Variants in USP54 observed in about 807,000 individuals in gnomAD.
USP54 encodes the protein ubiquitin carboxyl-terminal hydrolase 54.
USP54 carries 87 observed loss-of-function variants against 170.5 expected under a neutral mutation model. The ratio of observed to expected loss-of-function variants is 0.51; its 90% confidence interval spans 0.43 to 0.61. USP54 has a LOEUF of 0.61. Ranked by LOEUF, USP54 falls within the 20% of genes least tolerant of loss-of-function variation. The pLI is 0.00. For missense variants in USP54, 1,786 were observed against 2,047.8 expected, an observed-to-expected ratio of 0.87 and a Z score of 2.47; for synonymous variants, 655 against 742.8, an observed-to-expected ratio of 0.88 and a Z score of 1.92.
In USP54 at chr10:73,498,886, C is replaced by A; in HGVS notation, c.4798G>T (p.Val1600Phe). ...CTAGATGGTGGGTACACAGGATGAA[C>A]AATGGGAGGGTGGGAGGGTGAATGG... ...LFHSPSHPPIVHPVYPPSSSL... is the reference protein window; with the variant it reads ...LFHSPSHPPIFHPVYPPSSSL... Residue 1600 changes from valine (V) to phenylalanine (F), a missense_variant, in exon 24 of 24, where the codon GTT becomes TTT. Coordinates refer to ENST00000687698, the MANE Select transcript of USP54 (RefSeq NM_001391956.1). 9.6e-6 allele frequency: 6 copies of A among 625,536 alleles called. No individual in the cohort carries two copies. Among genetic ancestry groups the A allele is most frequent in the Non-Finnish European group, 1.7e-5 (6 of 346,240 alleles). The allele number at this position is 625,536 out of a possible 1,614,324, so 38.7% of individuals were successfully genotyped here.
chr10:73,528,752 G>C (rs995687814), intron 15 of USP54, among the ~76,000 whole-genome samples: 2 of 152,064 alleles, frequency 1.3e-5, no homozygotes, highest in Admixed American at 6.6e-5. Context: ...GTGCTAGCCT[G>C]GGATTACAGG....
In USP54 at chr10:73,536,352, C is replaced by A. The variant is rs1346852985; in HGVS notation, c.1061G>T (p.Gly354Val). The change falls in exon 11 of 24, where the codon GGT becomes GTT. Residue 354 changes from glycine to valine, a missense_variant. Physicochemically the swap from Gly to Val is moderately radical, Grantham distance 109. Coordinates refer to ENST00000687698, the MANE Select transcript of USP54 (RefSeq NM_001391956.1). ...CAGGTCCTGGGTGGAAACTGGGGTA[C>A]CCTGGGGATCTGCATAAAGCAGCAG... is the stretch of plus-strand genomic sequence containing the variant. ...PLLLLYADPQ[G>V]TPVSTQDLPP... is the part of the protein sequence containing the mutation. The A allele has an allele frequency of 6.2e-6, 10 of 1,613,554 alleles. No individual in the cohort carries two copies.
rs548214934 is a variant in USP54, at chr10:73,519,707, T to C, written c.2678+90A>G. On this transcript the variant is annotated intron_variant, in intron 19 of 23. Transcript: ENST00000687698. ...CAGAGGACTCCTCTCTCCCCTTCAG[T>C]CGCCAAGACAATGAGAGCTCTTGCT... 16 of 1,567,058 alleles carry C rather than the reference T, an allele frequency of 1.0e-5. No individual in the cohort carries two copies. In the South Asian group the frequency reaches 1.7e-4, roughly 17 times the overall value.
At position 73,505,363 on chromosome 10, in the gene USP54, G is replaced by T; in HGVS notation, c.4115C>A (p.Ser1372Ter). The change falls in exon 21 of 24, where the codon TCA (serine) becomes TAA (stop). Residue 1372 changes from serine (S) to a stop codon, truncating the protein, a stop_gained. Coordinates refer to ENST00000687698, the MANE Select transcript of USP54 (RefSeq NM_001391956.1). LOFTEE classifies it high-confidence loss of function. ...SAHDPGLSKTSTAEMEHGLHE... is the reference protein window; with the variant it reads ...SAHDPGLSKT Reference sequence around the variant, plus strand: ...GAGACCATGCTCCATTTCTGCTGTTGAAGTCTTTGAGAGACCAGGATCATG... The same window carrying T: ...GAGACCATGCTCCATTTCTGCTGTTTAAGTCTTTGAGAGACCAGGATCATG... The T allele has an allele frequency of 6.2e-7, 1 of 1,614,074 alleles. No homozygotes were observed. The highest frequency in any genetic ancestry group is 8.5e-7 in the Non-Finnish European group (1 of 1,180,022).
rs762142944 is a variant in USP54 at position 73,519,837 on chromosome 10, A to G, written c.2638T>C (p.Cys880Arg). ...SPQQPSQPSACLPTQAGTLSQ... is the reference protein window; with the variant it reads ...SPQQPSQPSARLPTQAGTLSQ... ...AGAGTCCCCGCCTGTGTTGGGAGGC[A>G]GGCTGAGGGCTGCGACGGCTGCTGT... Residue 880 changes from cysteine to arginine, a missense_variant, in exon 19 of 24, where the codon TGC becomes CGC. This residue lies in a region of USP54 where 1,418 missense variants were observed against 1,569.0 expected (regional missense o/e 0.90). Coordinates refer to ENST00000687698, the MANE Select transcript of USP54 (RefSeq NM_001391956.1). 6 of 1,614,118 alleles carry G rather than the reference A, an allele frequency of 3.7e-6. No individual in the cohort carries two copies. The highest frequency in any genetic ancestry group is 5.1e-6 in the Non-Finnish European group (6 of 1,180,008).
At position 73,516,849 on chromosome 10, in the gene USP54, C is replaced by T; in HGVS notation, c.3577G>A (p.Gly1193Arg). 1 of 1,614,252 alleles carries T rather than the reference C, an allele frequency of 6.2e-7. No individual in the cohort carries two copies. Among genetic ancestry groups the T allele is most frequent in the Non-Finnish European group, 8.5e-7 (1 of 1,180,052 alleles). Residue 1193 changes from glycine to arginine, a missense_variant, in exon 20 of 24, where the codon GGG becomes AGG. Coordinates refer to ENST00000687698, the MANE Select transcript of USP54 (RefSeq NM_001391956.1). Reference protein sequence around the residue: ...WAKQQSSLEGGDRPLSWEEST... With the variant: ...WAKQQSSLEGRDRPLSWEEST... ...TCTTCCCAGGAAAGTGGTCTATCCCCACCCTCCAGAGAGGATTGTTGCTTT... is the reference window on the plus strand; with the variant it reads ...TCTTCCCAGGAAAGTGGTCTATCCCTACCCTCCAGAGAGGATTGTTGCTTT...
At chr10:73,541,877 TC>T in intron 7 of USP54, 139 bp from the exon 8 acceptor site, 2 of 744,210 alleles carry the variant, frequency 2.7e-6, no homozygotes, top group Non-Finnish European at 4.4e-6. Flanking sequence ...AGGCTCAGTG[TC>T]CCATAAACAC....
chr10:73,600,598 AAGG>A (rs2079089835), intron 1 of USP54, among the ~76,000 whole-genome samples: 1 of 152,150 alleles, frequency 6.6e-6, no homozygotes, highest in African/African-American at 2.4e-5. Flanking sequence ...TAGAAGGTGG[AAGG>A]AGGGTGAGAG....
intron 20 of USP54, among the ~76,000 whole-genome samples, chr10:73,513,974 C>T (rs1464700681): frequency 6.6e-6 from 1 of 152,080 alleles, no homozygotes; most frequent in Admixed American, 6.6e-5. Flanking sequence ...CGCCACCATG[C>T]CCAGCTAATT....
rs2076114546 is a variant in USP54, at chr10:73,576,463, A to G, written c.-581-102T>C. ...CAACGTTGCCTCACTTCTCACTATA[A>G]ACTTGAAACCTTGGCAAACAATGCC... On this transcript the variant is annotated intron_variant, in intron 1 of 23. Coordinates refer to ENST00000687698, the MANE Select transcript of USP54 (RefSeq NM_001391956.1). 3 of 151,670 alleles carry G rather than the reference A, an allele frequency of 2.0e-5. No individual in the cohort carries two copies. In the South Asian group the frequency reaches 6.2e-4, roughly 32 times the overall value. 9.4% of individuals were successfully genotyped at this position (151,670 alleles called of 1,614,324 possible). A position where few individuals can be genotyped will look rare whatever the true frequency, so the allele number is the denominator to read the frequency against.
intron 1 of USP54, among the ~76,000 whole-genome samples, chr10:73,625,224 T>G (rs11000723): frequency 1.9e-5 from 2 of 106,252 alleles, no homozygotes; most frequent in African/African-American, 6.3e-5. Flanking sequence ...CCCGCCCCCC[T>G]ACCCTGCGCT....
At chr10:73,614,528 C>A (rs1329397332) in intron 1 of USP54, among the ~76,000 whole-genome samples, 2 of 143,330 alleles carry the variant, frequency 1.4e-5, no homozygotes, top group Non-Finnish European at 3.0e-5. Flanking sequence ...CCACGGCACT[C>A]CAGCCTAGGC....
intron 17 of USP54, among the ~76,000 whole-genome samples, chr10:73,521,373 C>G (rs2061869472): frequency 2.0e-5 from 3 of 152,162 alleles, no homozygotes; most frequent in Admixed American, 2.0e-4. Context: ...AAGGAAAGAA[C>G]AAAGTAATAG....
intron 4 of USP54, chr10:73,553,358 TA>T (rs1394978154): frequency 6.6e-6 from 1 of 152,160 alleles, no homozygotes; most frequent in African/African-American, 2.4e-5. Flanking sequence ...GCAAGTGTAT[TA>T]GGGGTAAAGC....
At chr10:73,574,418 C>CT (rs1211898345) in intron 3 of USP54, among the ~76,000 whole-genome samples, 2 of 152,128 alleles carry the variant, frequency 1.3e-5, no homozygotes, top group African/African-American at 2.4e-5. Context: ...ACCTGAAAGT[C>CT]TTTGACTTGT....
intron 1 of USP54, among the ~76,000 whole-genome samples, chr10:73,611,795 C>A (rs1036093846): frequency 6.7e-6 from 1 of 149,682 alleles, no homozygotes; most frequent in Non-Finnish European, 1.5e-5. Context: ...GACTCCATCT[C>A]AAAAAAATAG....
At chr10:73,598,947 C>T (rs752915357) in intron 1 of USP54, among the ~76,000 whole-genome samples, 6 of 151,814 alleles carry the variant, frequency 4.0e-5, no homozygotes, top group East Asian at 3.9e-4. Context: ...GGTTTGGTGG[C>T]GCATGCCTGT....
upstream of USP54, among the ~76,000 whole-genome samples, chr10:73,595,121 T>A (rs2078623367): frequency 1.3e-5 from 2 of 152,068 alleles, no homozygotes; most frequent in Admixed American, 1.3e-4. Context: ...AGATGGAGTT[T>A]CACCATGTTG....
At chr10:73,563,726 C>T (rs1465428377) in intron 4 of USP54, among the ~76,000 whole-genome samples, 2 of 152,072 alleles carry the variant, frequency 1.3e-5, no homozygotes, top group African/African-American at 4.8e-5. Context: ...CGTGAGCCAC[C>T]GCACCCAGCC....
Sources: gnomAD v4.1 joint callset for allele counts (sites outside exome capture counted in the v4.1 genomes callset) on GRCh38, gnomAD v4.1.1 for gene constraint, gnomAD v4.1.1 regional missense constraint, MANE v1.5 for transcripts, NCBI Gene and HGNC (gene_info 2026-07-23, HGNC 2026-07-21) for gene names.